Variants in ALOX5 observed in about 807,000 individuals in gnomAD.
ALOX5 encodes arachidonate 5-lipoxygenase.
ALOX5 carries 64 observed loss-of-function variants against 87.9 expected under a neutral mutation model. The ratio of observed to expected loss-of-function variants is 0.73; its 90% CI spans 0.60 to 0.90. The LOEUF (loss-of-function observed/expected upper bound fraction) is 0.90. Among genes scored for constraint, ALOX5 ranks in the 40% least tolerant of loss-of-function variants. The pLI, the probability that ALOX5 is intolerant of heterozygous loss-of-function variation, is 0.00. For synonymous variants in ALOX5, 388 were observed against 355.1 expected (o/e 1.09, Z -1.04); for missense variants, 822 against 907.5 (o/e 0.91, Z 1.21).
intron 7 of ALOX5, among the ~76,000 whole-genome samples, chr10:45,430,358 C>A (rs2132822902): frequency 6.6e-6 from 1 of 151,926 alleles, no homozygotes; most frequent in East Asian, 1.9e-4. Context: ...AATCCAAGAT[C>A]TGGTTCTTTG....
intron 2 of ALOX5, among the ~76,000 whole-genome samples, chr10:45,388,460 C>T (rs1370567246): frequency 6.6e-6 from 1 of 152,216 alleles, no homozygotes; most frequent in Non-Finnish European, 1.5e-5. Flanking sequence ...AGACTGACAC[C>T]CCACATGGCC....
At chr10:45,443,642 G>C in intron 11 of ALOX5, 86 bp from the exon 12 acceptor site, 1 of 1,593,736 alleles carries the variant, frequency 6.3e-7, no homozygotes, top group African/African-American at 1.3e-5. Context: ...CTCCGGCCTT[G>C]GGGCAGGGAA....
intron 7 of ALOX5, among the ~76,000 whole-genome samples, chr10:45,437,136 T>C (rs1842084988): frequency 6.6e-6 from 1 of 152,188 alleles, no homozygotes; most frequent in Non-Finnish European, 1.5e-5. Flanking sequence ...GCAGATCACC[T>C]GAGGTCAGGA....
intron 1 of ALOX5, among the ~76,000 whole-genome samples, chr10:45,377,099 A>G (rs1198117932): frequency 6.6e-6 from 1 of 152,242 alleles, no homozygotes; most frequent in Non-Finnish European, 1.5e-5. Context: ...GCTAAGGGCA[A>G]TAGCGTGGTG....
chr10:45,440,217 G>T (rs1464380650), intron 7 of ALOX5, among the ~76,000 whole-genome samples: 2 of 152,230 alleles, frequency 1.3e-5, no homozygotes, highest in Non-Finnish European at 2.9e-5. Context: ...AGAAAGCCCA[G>T]TGTGTCATCC....
intron 7 of ALOX5, among the ~76,000 whole-genome samples, chr10:45,435,626 C>G (rs1842041096): frequency 6.6e-6 from 1 of 152,208 alleles, no homozygotes; most frequent in Non-Finnish European, 1.5e-5. Context: ...TTTTTTATGG[C>G]TATGTAGTAT....
chr10:45,379,221 T>C (rs1839741958), intron 1 of ALOX5, among the ~76,000 whole-genome samples: 1 of 152,060 alleles, frequency 6.6e-6, no homozygotes, highest in South Asian at 2.1e-4. Flanking sequence ...CATGAGAGTG[T>C]CCCTGTTAGC....
chr10:45,404,668 C>T (rs182668490), intron 3 of ALOX5, among the ~76,000 whole-genome samples: 86 of 152,326 alleles, frequency 5.6e-4, no homozygotes, highest in African/African-American at 1.9e-3. Flanking sequence ...TGCGCTCGTC[C>T]GCTCTCCTGC....
rs576270585 is a variant in ALOX5, at chr10:45,426,333, A to G, written c.834+1201A>G. On this transcript the variant is annotated intron_variant, in intron 6 of 13. Transcript: ENST00000374391. ...CCCACTGGGAGTCCCGGCCACCTCCAGGGCACGTGGGTTATGAGTCACCTT... is the reference window on the plus strand; with the variant it reads ...CCCACTGGGAGTCCCGGCCACCTCCGGGGCACGTGGGTTATGAGTCACCTT... Among the ~76,000 whole-genome samples, 21 of 152,312 alleles carry G rather than the reference A, an allele frequency of 1.4e-4. No homozygotes were observed. The South Asian group carries it at 3.9e-3, about 29-fold the overall frequency.
At chr10:45,420,332 T>C (rs1841457189) in intron 4 of ALOX5, among the ~76,000 whole-genome samples, 1 of 152,220 alleles carries the variant, frequency 6.6e-6, no homozygotes, top group African/African-American at 2.4e-5. Flanking sequence ...TTTTATTTGC[T>C]AAGGTAGCAT....
rs145543199 is a variant in ALOX5 at position 45,380,643 on chromosome 10, A to G, written c.151-1840A>G. Among the ~76,000 whole-genome samples, 370 of 152,332 alleles carry G rather than the reference A, an allele frequency of 2.4e-3. 1 individual carries two copies. The highest frequency in any genetic ancestry group is 3.1e-3 in the Non-Finnish European group (212 of 68,020). On this transcript the variant is annotated intron_variant, in intron 1 of 13. Transcript: ENST00000374391. ...GTTCAAGGGTTGATGAATCTGGCTT[A>G]GAAAGTGCCTTGCAGGGGCCAGGCA...
At chr10:45,378,789 C>T (rs1839722946) in intron 1 of ALOX5, among the ~76,000 whole-genome samples, 2 of 152,292 alleles carry the variant, frequency 1.3e-5, no homozygotes, top group East Asian at 3.9e-4. Flanking sequence ...CCCTTGTTCA[C>T]CTCTTATCAT....
At chr10:45,424,831 T>C in intron 5 of ALOX5, 129 bp from the exon 6 acceptor site, 1 of 1,118,720 alleles carries the variant, frequency 8.9e-7, no homozygotes, top group Non-Finnish European at 1.3e-6. Flanking sequence ...GTTGGAGCTG[T>C]GCCCATCCAG....
At chr10:45,422,160 A>G (rs532300497) in intron 4 of ALOX5, among the ~76,000 whole-genome samples, 6 of 152,264 alleles carry the variant, frequency 3.9e-5, no homozygotes, top group African/African-American at 1.4e-4. Context: ...TTATCCTAGG[A>G]GTTCCCCCCT....
In ALOX5 at chr10:45,443,519, C is replaced by A; in HGVS notation, c.1555C>A (p.Arg519=). 6.2e-7 allele frequency: 1 copy of A among 1,612,628 alleles called. No homozygotes were observed. The highest frequency in any genetic ancestry group is 8.5e-7 in the Non-Finnish European group (1 of 1,179,314). ...GAACGATGTCTACGTGTACGGCATG[C>A]GGGGCCGCAAGTCCTCAGGTAGGGC... ...FVNDVYVYGM[R]GRKSSGFPKS... The change falls in exon 11 of 14, where the codon CGG becomes AGG. Residue 519 remains arginine (R), a synonymous_variant. Coordinates refer to ENST00000374391, the MANE Select transcript of ALOX5 (RefSeq NM_000698.5).
chr10:45,400,653 A>G (rs1260744164), intron 3 of ALOX5, among the ~76,000 whole-genome samples: 9 of 152,194 alleles, frequency 5.9e-5, no homozygotes, highest in Non-Finnish European at 1.0e-4. Context: ...CAAACACTGA[A>G]TGAACTTCAA....
At chr10:45,418,765 T>C (rs1391358453) in intron 4 of ALOX5, among the ~76,000 whole-genome samples, 2 of 151,898 alleles carry the variant, frequency 1.3e-5, no homozygotes, top group Non-Finnish European at 2.9e-5. Context: ...AATTTCCTGG[T>C]GGTGTGGAGG....
chr10:45,434,541 A>G (rs1842007001), intron 7 of ALOX5, among the ~76,000 whole-genome samples: 3 of 152,266 alleles, frequency 2.0e-5, no homozygotes, highest in Non-Finnish European at 4.4e-5. Context: ...AGGGGTCTCC[A>G]CAATGAGTTA....
intron 2 of ALOX5, among the ~76,000 whole-genome samples, chr10:45,386,552 GA>G (rs1396549195): frequency 6.6e-6 from 1 of 151,586 alleles, no homozygotes. Flanking sequence ...CAACTTAACA[GA>G]ACAATTTTGT....
Sources: gnomAD v4.1 joint callset for allele counts (sites outside exome capture counted in the v4.1 genomes callset) on GRCh38, gnomAD v4.1.1 for gene constraint, MANE v1.5 for transcripts, NCBI Gene and HGNC (gene_info 2026-07-23, HGNC 2026-07-21) for gene names.